Variants in PCDHGB2 observed in about 807,000 individuals in gnomAD.
The protein encoded by PCDHGB2 is protocadherin gamma-B2.
A neutral mutation model predicts 59.3 loss-of-function variants in PCDHGB2; 55 were observed. The observed-to-expected ratio is 0.93, with a 90% CI of 0.75 to 1.16. The LOEUF is 1.16. Ranked by LOEUF, PCDHGB2 falls within the 50% of genes most tolerant of loss-of-function variation. The probability of loss-of-function intolerance (pLI) is 0.00; values close to 1 mark genes in which losing one functional copy is unlikely to be tolerated. For synonymous variants in PCDHGB2, 516 were observed against 512.0 expected, an observed-to-expected ratio of 1.01 and a Z score of -0.11; for missense variants, 1,228 against 1,198.5, an observed-to-expected ratio of 1.02 and a Z score of -0.36.
intron 1 of PCDHGB2, chr5:141,370,971 G>C: frequency 1.2e-6 from 2 of 1,614,016 alleles, no homozygotes; most frequent in Non-Finnish European, 1.7e-6. Flanking sequence ...TAGGTACCCA[G>C]AGCTAGTACT....
chr5:141,428,267 T>C, intron 1 of PCDHGB2: 1 of 796,264 alleles, frequency 1.3e-6, no homozygotes, highest in Non-Finnish European at 2.1e-6. Context: ...GACAGTCCTG[T>C]GCCCTCTGAT....
intron 1 of PCDHGB2, among the ~76,000 whole-genome samples, chr5:141,482,605 C>T (rs2099569133): frequency 6.7e-6 from 1 of 150,032 alleles, no homozygotes; most frequent in Admixed American, 6.6e-5. Flanking sequence ...GAAAAAACAC[C>T]TAAATGAGCC....
chr5:141,427,197 A>C (rs1277186420), intron 1 of PCDHGB2: 4 of 456,762 alleles, frequency 8.8e-6, no homozygotes, highest in Admixed American at 2.3e-5. Context: ...CAAAGACTTA[A>C]TAGACTTCGA....
chr5:141,415,740 GTTTTTTTTTTTTTTTTT>G (rs57426385), intron 1 of PCDHGB2: 62 of 625,030 alleles, frequency 9.9e-5, no homozygotes, highest in East Asian at 4.1e-4. Flanking sequence ...GTTTATTAAG[GTTTTTTTTTTTTTTTTT>G]TTTTTTTTTT....
intron 1 of PCDHGB2, chr5:141,417,759 C>T: frequency 7.0e-7 from 1 of 1,437,100 alleles, no homozygotes; most frequent in South Asian, 1.5e-5. Flanking sequence ...AGCTCCGAGA[C>T]CCGGGACTCC....
At chr5:141,453,464 C>A (rs186131587) in intron 1 of PCDHGB2, among the ~76,000 whole-genome samples, 16 of 152,090 alleles carry the variant, frequency 1.1e-4, no homozygotes, top group Non-Finnish European at 1.9e-4. Flanking sequence ...AAAACATTAA[C>A]ATAAAGTCAA....
chr5:141,496,876 A>G (rs964149656), intron 2 of PCDHGB2, among the ~76,000 whole-genome samples: 1 of 149,154 alleles, frequency 6.7e-6, no homozygotes, highest in African/African-American at 2.5e-5. Flanking sequence ...AAAATTTGCA[A>G]CAAGTAACAC....
chr5:141,365,621 C>A (rs1764025097), intron 1 of PCDHGB2: 2 of 1,613,576 alleles, frequency 1.2e-6, no homozygotes, highest in Non-Finnish European at 8.5e-7. Context: ...TGGAACCCCG[C>A]CCCTCTCTAC....
At chr5:141,400,860 A>G (rs77207205) in intron 1 of PCDHGB2, among the ~76,000 whole-genome samples, 6,447 of 152,342 alleles carry the variant, frequency 0.042, 220 homozygotes, top group African/African-American at 0.092. Flanking sequence ...TATTGTATGT[A>G]GATAAACCAT....
chr5:141,476,672 A>T lies in PCDHGB2; in HGVS notation c.2422-18135A>T. 6.2e-7 allele frequency: 1 copy of T among 1,614,206 alleles called. No individual in the cohort carries two copies. Among genetic ancestry groups the T allele is most frequent in the African/African-American group, 1.3e-5 (1 of 75,058 alleles). ...TGAATACTTTGCGCTTCGCGTGCAG[A>T]CGCGGGAGGACAGCACCAAGTACGC... On this transcript the variant is annotated intron_variant, in intron 1 of 3. Transcript: ENST00000522605. The surrounding 1 kb of genome is among the most constrained non-coding windows in gnomAD (Gnocchi z 7.6).
At chr5:141,375,928 A>G (rs3749773) in intron 1 of PCDHGB2, 89,673 of 1,613,560 alleles carry the variant, frequency 0.056, 2,973 homozygotes, top group African/African-American at 0.14. Context: ...GCGAGCCAGG[A>G]CTTTTCTCAG....
At position 141,420,439 on chromosome 5, in the gene PCDHGB2, C is replaced by T. The variant is rs2096496531; in HGVS notation, c.2421+57883C>T. ...TTAAAACAAAAGTTTAAATTAAATGCCTCAGTCTTCCTACTATTCAAAGAC... is the reference window on the plus strand; with the variant it reads ...TTAAAACAAAAGTTTAAATTAAATGTCTCAGTCTTCCTACTATTCAAAGAC... On this transcript the variant is annotated intron_variant, in intron 1 of 3. Coordinates refer to ENST00000522605, the MANE Select transcript of PCDHGB2 (RefSeq NM_018923.3). 10 of 1,073,160 alleles carry T rather than the reference C, an allele frequency of 9.3e-6. No individual in the cohort carries two copies. In the South Asian group the frequency reaches 2.0e-4, roughly 22 times the overall value. The allele number at this position is 1,073,160 out of a possible 1,614,324, so 66.5% of individuals were successfully genotyped here.
chr5:141,503,665 C>A (rs1210514896), intron 2 of PCDHGB2, among the ~76,000 whole-genome samples: 2 of 151,792 alleles, frequency 1.3e-5, no homozygotes, highest in African/African-American at 4.8e-5. Flanking sequence ...AATTACAACT[C>A]TTCCCACTTT....
At chr5:141,478,675 G>T in intron 1 of PCDHGB2, 1 of 1,551,574 alleles carries the variant, frequency 6.4e-7, no homozygotes, top group Non-Finnish European at 8.7e-7. Flanking sequence ...ACTTTCAACT[G>T]GCCCTTCCTA....
Position 141,439,149 on chromosome 5 carries a change from C to T in PCDHGB2, c.2422-55658C>T, listed in dbSNP as rs543388568. Reference sequence around the variant, plus strand: ...CAGAGGTTGCAGTGAGCTGAGATCACGCCACTGCACTCCAGCCTGGGCGAC... The same window carrying T: ...CAGAGGTTGCAGTGAGCTGAGATCATGCCACTGCACTCCAGCCTGGGCGAC... On this transcript the variant is annotated intron_variant, in intron 1 of 3. Transcript: ENST00000522605. Among the ~76,000 whole-genome samples, 165 of 150,018 alleles carry T rather than the reference C, an allele frequency of 1.1e-3. 1 individual carries two copies. In the Middle Eastern group the frequency reaches 0.017, roughly 16 times the overall value.
intron 1 of PCDHGB2, among the ~76,000 whole-genome samples, chr5:141,444,462 C>T (rs1314366280): frequency 3.3e-5 from 5 of 152,002 alleles, no homozygotes; most frequent in African/African-American, 9.7e-5. Flanking sequence ...TGAGTCACTG[C>T]GCCCGGTCGC....
chr5:141,398,787 A>G, intron 1 of PCDHGB2: 2 of 1,613,902 alleles, frequency 1.2e-6, no homozygotes, highest in Non-Finnish European at 1.7e-6. Flanking sequence ...GTGGACATCC[A>G]CCCCTAAGCG....
rs369964221 is a variant in PCDHGB2 at position 141,366,213 on chromosome 5, C to G, written c.2421+3657C>G. On this transcript the variant is annotated intron_variant, in intron 1 of 3. Coordinates refer to ENST00000522605, the MANE Select transcript of PCDHGB2 (RefSeq NM_018923.3). ...GGGCTGCACACGGGCGAGGTGCGCA[C>G]AGCGCGAGCCCTGCTGGACAGAGAC... 2.5e-6 allele frequency: 4 copies of G among 1,613,692 alleles called. No individual in the cohort carries two copies. The African/African-American group carries it at 4.0e-5, about 16-fold the overall frequency.
At chr5:141,465,504 G>T (rs2099104593) in intron 1 of PCDHGB2, among the ~76,000 whole-genome samples, 2 of 152,152 alleles carry the variant, frequency 1.3e-5, no homozygotes. Context: ...GCATTGTCGT[G>T]GTCAGGAAGG....
Sources: allele counts gnomAD v4.1 joint callset (sites outside exome capture counted in the v4.1 genomes callset), GRCh38; gene constraint gnomAD v4.1.1; non-coding constraint Gnocchi (gnomAD v3.1); transcripts MANE v1.5; gene names NCBI Gene and HGNC (gene_info 2026-07-23, HGNC 2026-07-21).